SUCO: variants seen among roughly 807,000 people sequenced by gnomAD.
The protein encoded by SUCO is SUN domain containing ossification factor.
SUCO carries 57 observed loss-of-function variants against 148.1 expected under a neutral mutation model. The ratio of observed to expected loss-of-function variants is 0.38; its 90% confidence interval spans 0.31 to 0.48. The LOEUF (loss-of-function observed/expected upper bound fraction) is 0.48, where lower values mean the gene tolerates loss of function less well. SUCO is among the 20% of genes least tolerant of loss of function. The pLI, the probability that SUCO is intolerant of heterozygous loss-of-function variation, is 0.96. For synonymous variants in SUCO, 470 were observed against 502.7 expected, an observed-to-expected ratio of 0.93 and a Z score of 0.87; for missense variants, 1,331 against 1,468.2, an observed-to-expected ratio of 0.91 and a Z score of 1.53.
intron 7 of SUCO, chr1:172,569,539 A>G: frequency 3.1e-6 from 3 of 977,362 alleles, no homozygotes; most frequent in Non-Finnish European, 3.6e-6. Flanking sequence ...TCAAGAACAT[A>G]CCTAAAGAAA....
chr1:172,534,763 A>G (rs1651888844), intron 1 of SUCO, among the ~76,000 whole-genome samples: 1 of 152,190 alleles, frequency 6.6e-6, no homozygotes, highest in Non-Finnish European at 1.5e-5. Context: ...ATTTGTAGAT[A>G]CTGAAGCTTG....
chr1:172,590,430 C>A, intron 18 of SUCO: 1 of 888,082 alleles, frequency 1.1e-6, no homozygotes, highest in Non-Finnish European at 1.3e-6. Context: ...ATAATTTCTG[C>A]TTTTAAGTGC....
Position 172,533,167 on chromosome 1 carries a change from G to A in SUCO, c.-269G>A. ...GGGAGGATATGGGGCGGCAGTGGCG[G>A]CTGCAGGAGGCGGGCGTGGACGAGC... On this transcript the variant is annotated 5_prime_UTR_variant, in exon 1 of 24. Transcript: ENST00000263688. 6.8e-7 allele frequency: 1 copy of A among 1,472,990 alleles called. No homozygotes were observed. Among genetic ancestry groups the A allele is most frequent in the Non-Finnish European group, 9.0e-7 (1 of 1,115,780 alleles). 91.2% of individuals were successfully genotyped at this position (1,472,990 alleles called of 1,614,324 possible).
At chr1:172,578,619 C>G in intron 14 of SUCO, 1 of 826,472 alleles carries the variant, frequency 1.2e-6, no homozygotes, top group Non-Finnish European at 1.5e-6. Flanking sequence ...AACTGAAACT[C>G]CCTTCTATAA....
intron 15 of SUCO, among the ~76,000 whole-genome samples, chr1:172,579,596 A>G (rs1489779882): frequency 6.6e-6 from 1 of 152,106 alleles, no homozygotes; most frequent in Non-Finnish European, 1.5e-5. Flanking sequence ...CAGTTAATCT[A>G]TGGGTATGGT....
At chr1:172,570,632 T>C (rs1325952148) in intron 8 of SUCO, 31 bp from the exon 9 acceptor site, 3 of 1,366,356 alleles carry the variant, frequency 2.2e-6, no homozygotes, top group African/African-American at 1.4e-5. Context: ...ATTCCTTAAG[T>C]AATTTGTTTC....
At chr1:172,600,713 T>C (rs1454749711) in intron 20 of SUCO, among the ~76,000 whole-genome samples, 1 of 151,568 alleles carries the variant, frequency 6.6e-6, no homozygotes, top group East Asian at 1.9e-4. Context: ...TGTGTGTGTG[T>C]GTGTGTGTGT....
rs879210188 is a variant in SUCO, at chr1:172,610,347, G to C, written c.*88G>C. 2.1e-6 allele frequency: 3 copies of C among 1,441,334 alleles called. No homozygotes were observed. Among genetic ancestry groups the C allele is most frequent in the Non-Finnish European group, 2.7e-6 (3 of 1,094,618 alleles). The allele number at this position is 1,441,334 out of a possible 1,614,324, so 89.3% of individuals were successfully genotyped here. A position where few individuals can be genotyped will look rare whatever the true frequency, so the allele number is the denominator to read the frequency against. On this transcript the variant is annotated 3_prime_UTR_variant, in exon 24 of 24. Transcript: ENST00000263688. ...GTATTTGAAGGGTTTGGGGGAGGGA[G>C]AAAATATTAATGGGAAAGGCATTCA...
At chr1:172,572,696 TAAAAAAAAAAA>T (rs61248782) in intron 9 of SUCO, among the ~76,000 whole-genome samples, 715 of 49,654 alleles carry the variant, frequency 0.014, 11 homozygotes, top group Middle Eastern at 0.12. Context: ...GAATGATCAA[TAAAAAAAAAAA>T]AAAAAAAAAA....
At chr1:172,559,787 C>T (rs1318207753) in intron 6 of SUCO, among the ~76,000 whole-genome samples, 3 of 152,112 alleles carry the variant, frequency 2.0e-5, no homozygotes, top group East Asian at 3.8e-4. Flanking sequence ...GAGGTGGTAA[C>T]TTCCAGGTGT....
intron 7 of SUCO, 61 bp from the exon 8 acceptor site, chr1:172,569,986 T>C: frequency 7.7e-7 from 1 of 1,292,432 alleles, no homozygotes; most frequent in Non-Finnish European, 9.9e-7. Flanking sequence ...TTGCTAGAGG[T>C]ATTTTCAGTC....
At chr1:172,559,215 A>G (rs1653961766) in intron 6 of SUCO, among the ~76,000 whole-genome samples, 1 of 152,212 alleles carries the variant, frequency 6.6e-6, no homozygotes, top group Non-Finnish European at 1.5e-5. Context: ...TGTATTGTTT[A>G]TAGACAGTGC....
intron 17 of SUCO, chr1:172,588,487 A>T (rs994279040): frequency 2.1e-5 from 21 of 985,146 alleles, no homozygotes; most frequent in Middle Eastern, 1.0e-3. Flanking sequence ...ACAATTCTTA[A>T]ACAGATTAAA....
chr1:172,538,174 A>G (rs1275865461), intron 1 of SUCO, among the ~76,000 whole-genome samples: 1 of 152,178 alleles, frequency 6.6e-6, no homozygotes, highest in Non-Finnish European at 1.5e-5. Context: ...TGTGGAGGGT[A>G]AAGTGGAATG....
At chr1:172,536,049 A>G (rs1651989128) in intron 1 of SUCO, among the ~76,000 whole-genome samples, 2 of 152,336 alleles carry the variant, frequency 1.3e-5, no homozygotes, top group South Asian at 4.1e-4. Flanking sequence ...GATAGCTAAT[A>G]TTTGCTGACA....
chr1:172,557,031 A>C (rs1383448772), intron 4 of SUCO: 8 of 969,444 alleles, frequency 8.3e-6, no homozygotes, highest in African/African-American at 1.8e-5. Context: ...ACTTTAGAGA[A>C]GATACATTGA....
chr1:172,577,961 T>C (rs1655578266), intron 13 of SUCO, 142 bp downstream of exon 13: 1 of 620,128 alleles, frequency 1.6e-6, no homozygotes, highest in South Asian at 2.8e-5. Flanking sequence ...TTCTTTTGAA[T>C]GCATTTTGGA....
At chr1:172,542,574 T>G (rs1652555570) in intron 1 of SUCO, 1 of 191,418 alleles carries the variant, frequency 5.2e-6, no homozygotes, top group South Asian at 1.8e-4. Flanking sequence ...TAGATTCTCA[T>G]AGGAGCATGA....
chr1:172,536,223 A>C (rs1301169168), intron 1 of SUCO, among the ~76,000 whole-genome samples: 2 of 152,188 alleles, frequency 1.3e-5, no homozygotes, highest in East Asian at 3.9e-4. Context: ...TTCGGAGCTT[A>C]AATTTGAACC....
Sources: gnomAD v4.1 joint callset for allele counts (sites outside exome capture counted in the v4.1 genomes callset) on GRCh38, gnomAD v4.1.1 for gene constraint, MANE v1.5 for transcripts, NCBI Gene and HGNC (gene_info 2026-07-23, HGNC 2026-07-21) for gene names.